RP1: variants seen among roughly 807,000 people sequenced by gnomAD.
RP1 encodes the protein oxygen-regulated protein 1.
In RP1, 16 loss-of-function variants were observed where a neutral mutation model predicts 14.8. The ratio of observed to expected loss-of-function variants is 1.08; its 90% CI spans 0.73 to 1.65. The LOEUF (loss-of-function observed/expected upper bound fraction) is 1.65. Ranked by LOEUF, RP1 falls within the 40% of genes most tolerant of loss-of-function variation. RP1 has a pLI of 0.00. For synonymous variants in RP1, 876 were observed against 883.6 expected (o/e 0.99, Z 0.15); for missense variants, 2,631 against 2,535.0 (o/e 1.04, Z -0.81).
upstream of RP1, among the ~76,000 whole-genome samples, chr8:54,611,654 G>T (rs956571745): frequency 2.6e-5 from 4 of 151,972 alleles, no homozygotes; most frequent in Non-Finnish European, 5.9e-5. Context: ...TAAGATAGTT[G>T]TTTTATAGTC....
chr8:54,865,184 T>TATTA (rs1477040343), intron 27 of RP1, among the ~76,000 whole-genome samples: 1 of 152,124 alleles, frequency 6.6e-6, no homozygotes, highest in African/African-American at 2.4e-5. Context: ...GATTTTTATG[T>TATTA]ATTAATTATA....
intron 24 of RP1, among the ~76,000 whole-genome samples, chr8:54,790,087 C>T (rs760603830): frequency 7.2e-5 from 11 of 152,182 alleles, no homozygotes; most frequent in Non-Finnish European, 1.6e-4. Flanking sequence ...CAGCCTATAA[C>T]TCTGCCCAAC....
chr8:54,698,194 A>G (rs563356633), intron 12 of RP1, among the ~76,000 whole-genome samples: 33 of 152,312 alleles, frequency 2.2e-4, no homozygotes, highest in African/African-American at 7.7e-4. Context: ...CAAATTTACA[A>G]GAAAAAAACA....
intron 1 of RP1, among the ~76,000 whole-genome samples, chr8:54,600,542 G>T (rs775819794): frequency 1.3e-5 from 2 of 152,086 alleles, no homozygotes; most frequent in East Asian, 3.9e-4. Context: ...GAGGGAGTGT[G>T]GTGGCTTTAC....
At chr8:54,825,501 A>T (rs978412784) in intron 24 of RP1, among the ~76,000 whole-genome samples, 1 of 152,220 alleles carries the variant, frequency 6.6e-6, no homozygotes, top group Non-Finnish European at 1.5e-5. Flanking sequence ...TTAATATGTG[A>T]AAAACCTCGT....
chr8:54,767,626 C>A (rs1809792511), intron 22 of RP1, among the ~76,000 whole-genome samples: 1 of 152,108 alleles, frequency 6.6e-6, no homozygotes. Flanking sequence ...TCCCAAAGTG[C>A]TGGGATTACA....
At chr8:54,805,841 C>T (rs924211273) in intron 24 of RP1, among the ~76,000 whole-genome samples, 2 of 151,802 alleles carry the variant, frequency 1.3e-5, no homozygotes, top group Non-Finnish European at 2.9e-5. Flanking sequence ...AATGAGGGCT[C>T]CTTATGGCTA....
At position 54,627,940 on chromosome 8, in the gene RP1, C is replaced by T. The variant is rs1264769577; in HGVS notation, c.4058C>T (p.Thr1353Ile). The change falls in exon 4 of 4, where the codon ACT becomes ATT. Residue 1353 changes from threonine to isoleucine, a missense_variant. Coordinates refer to ENST00000220676, the MANE Select transcript of RP1 (RefSeq NM_006269.2). ...TTAAACTCCAAAGAAAACACATATA[C>T]TGATAACTTGGATTCAACTGAAGAG... is the stretch of plus-strand genomic sequence containing the variant. ...DFLNSKENTY[T>I]DNLDSTEELE... is the part of the protein sequence containing the mutation. 4.3e-6 allele frequency: 7 copies of T among 1,614,020 alleles called. No homozygotes were observed. The South Asian group carries it at 7.7e-5, about 18-fold the overall frequency.
chr8:54,772,675 G>A (rs1229791300), downstream of RP1, among the ~76,000 whole-genome samples: 1 of 152,126 alleles, frequency 6.6e-6, no homozygotes, highest in African/African-American at 2.4e-5. Context: ...TTTATAACTT[G>A]CCTAAAGTCA....
Position 54,690,939 on chromosome 8 carries a change from C to T in RP1, c.1718-8528C>T, listed in dbSNP as rs116822134. On this transcript the variant is annotated intron_variant, in intron 12 of 22. Transcript: ENST00000636932. The stretch of plus-strand genomic sequence containing the variant: ...CATGTTAAAAGCAGTCTGCTAGGAA[C>T]CCAAAGCTGTCAACTGCATTTGGTA... 6.0e-3 allele frequency among the ~76,000 whole-genome samples: 906 copies of T among 152,168 alleles called. 9 individuals are homozygous for T. The highest frequency in any genetic ancestry group is 0.02 in the African/African-American group (811 of 41,548).
chr8:54,726,240 A>T, intron 16 of RP1: 1 of 1,285,120 alleles, frequency 7.8e-7, no homozygotes, highest in South Asian at 1.8e-5. Flanking sequence ...ATTGAAATGG[A>T]AACAATAGCA....
intron 2 of RP1, 98 bp downstream of exon 2, chr8:54,621,679 C>G (rs1324116326): frequency 3.9e-6 from 6 of 1,538,070 alleles, no homozygotes; most frequent in Non-Finnish European, 5.4e-6. Context: ...GGAAGGAAAT[C>G]TTCCTTCCTC....
chr8:54,621,709 G>A, intron 2 of RP1, 128 bp downstream of exon 2: 2 of 1,366,524 alleles, frequency 1.5e-6, no homozygotes, highest in Non-Finnish European at 2.1e-6. Context: ...GTATGTGAGT[G>A]TGTGTGCTCC....
chr8:54,597,431 A>G (rs1805175614), intron 1 of RP1, among the ~76,000 whole-genome samples: 1 of 152,174 alleles, frequency 6.6e-6, no homozygotes, highest in African/African-American at 2.4e-5. Flanking sequence ...TTGTATATTT[A>G]TGGAACTTGA....
At chr8:54,616,558 C>T (rs772165379) in intron 1 of RP1, among the ~76,000 whole-genome samples, 2 of 152,188 alleles carry the variant, frequency 1.3e-5, no homozygotes, top group Non-Finnish European at 2.9e-5. Flanking sequence ...GCTGTGACTA[C>T]CACAGTGAAT....
chr8:54,584,747 T>A (rs1430654636), intron 1 of RP1, among the ~76,000 whole-genome samples: 2 of 152,234 alleles, frequency 1.3e-5, no homozygotes, highest in Non-Finnish European at 2.9e-5. Context: ...TCCTTTACCA[T>A]TATGTAATGG....
At chr8:54,855,299 G>A (rs1812164551) in intron 26 of RP1, among the ~76,000 whole-genome samples, 1 of 152,198 alleles carries the variant, frequency 6.6e-6, no homozygotes, top group Admixed American at 6.5e-5. Context: ...TAGCATGTGA[G>A]AGGACATCTT....
intron 13 of RP1, among the ~76,000 whole-genome samples, chr8:54,700,221 T>G (rs1807979070): frequency 6.6e-6 from 1 of 151,950 alleles, no homozygotes; most frequent in Admixed American, 6.6e-5. Flanking sequence ...ATTTTTTTTT[T>G]TTTTGAGACA....
intron 16 of RP1, among the ~76,000 whole-genome samples, chr8:54,720,916 C>G (rs1217139153): frequency 2.0e-5 from 3 of 152,130 alleles, no homozygotes; most frequent in African/African-American, 4.8e-5. Context: ...TAAAGTAACT[C>G]TATTGTATTT....
Sources: gnomAD v4.1 joint callset for allele counts (sites outside exome capture counted in the v4.1 genomes callset) on GRCh38, gnomAD v4.1.1 for gene constraint, MANE v1.5 for transcripts, NCBI Gene and HGNC (gene_info 2026-07-23, HGNC 2026-07-21) for gene names.